Variants in METAP2 observed in about 807,000 individuals in gnomAD.
METAP2 encodes the protein methionine aminopeptidase 2.
Under a neutral mutation model 59.4 loss-of-function variants are expected in METAP2, and 25 were observed. The ratio of observed to expected loss-of-function variants is 0.42; its 90% confidence interval spans 0.31 to 0.59. METAP2 has a LOEUF of 0.59. METAP2 is among the 20% of genes least tolerant of loss of function. The probability of loss-of-function intolerance (pLI) is 0.16; values close to 1 mark genes in which losing one functional copy is unlikely to be tolerated. For synonymous variants in METAP2, 214 were observed against 194.1 expected (o/e 1.10, Z -0.85); for missense variants, 366 against 581.2 (o/e 0.63, Z 3.81).
rs140360586 is a variant in METAP2, at chr12:95,506,357, C to T, written c.964+2196C>T. Among the ~76,000 whole-genome samples the T allele has an allele frequency of 1.4e-3, 188 of 138,624 alleles. 1 individual carries two copies. Among genetic ancestry groups the T allele is most frequent in the African/African-American group, 4.5e-3 (168 of 36,946 alleles). The allele number at this position is 138,624 out of a possible 152,430, so 90.9% of individuals were successfully genotyped here. On this transcript the variant is annotated intron_variant, in intron 8 of 10. Transcript: ENST00000323666. ...TGTCGCCCAGGCTAGAGTGCAGTGGCGCAATCTTGGTTCACGGCAACCTCC... is the reference window on the plus strand; with the variant it reads ...TGTCGCCCAGGCTAGAGTGCAGTGGTGCAATCTTGGTTCACGGCAACCTCC...
At chr12:95,489,694 C>G (rs188919316) in intron 4 of METAP2, among the ~76,000 whole-genome samples, 18 of 152,124 alleles carry the variant, frequency 1.2e-4, no homozygotes, top group Non-Finnish European at 2.1e-4. Flanking sequence ...CAAAATTAGT[C>G]GGGCATGGTG....
Position 95,512,825 on chromosome 12 carries a change from AC to A in METAP2, c.1095del (p.Phe366LeufsTer19). 1 of 1,610,044 alleles carries A rather than the reference AC, an allele frequency of 6.2e-7. No homozygotes were observed. Among genetic ancestry groups the A allele is most frequent in the Non-Finnish European group, 8.5e-7 (1 of 1,177,014 alleles). Reference sequence around the variant, plus strand: ...GGAAGGAGAAGTATATGCAATTGAAACCTTTGGTAGTACAGGAAAAGGTGTT... The same window carrying A: ...GGAAGGAGAAGTATATGCAATTGAAACTTTGGTAGTACAGGAAAAGGTGTT... The part of the protein sequence containing the change: ...MEEGEVYAIE[T>X]FGSTGKGVVH... On this transcript the variant is annotated frameshift_variant, in exon 10 of 11. Coordinates refer to ENST00000323666, the MANE Select transcript of METAP2 (RefSeq NM_006838.4). LOFTEE classifies it high-confidence loss of function.
intron 7 of METAP2, among the ~76,000 whole-genome samples, chr12:95,501,608 AG>A (rs899093506): frequency 3.9e-5 from 6 of 151,928 alleles, no homozygotes; most frequent in African/African-American, 1.5e-4. Flanking sequence ...CCAGCTACTC[AG>A]GAGGCTGAGG....
rs1183607044 is a variant in METAP2, at chr12:95,514,751, A to G, written c.*847A>G. 2.6e-5 allele frequency: 4 copies of G among 152,172 alleles called. No homozygotes were observed. The highest frequency in any genetic ancestry group is 5.9e-5 in the Non-Finnish European group (4 of 68,034). 9.4% of individuals were successfully genotyped at this position (152,172 alleles called of 1,614,324 possible). On this transcript the variant is annotated 3_prime_UTR_variant, in exon 11 of 11. Coordinates refer to ENST00000323666, the MANE Select transcript of METAP2 (RefSeq NM_006838.4). ...GCTCAGAAAACCAAAAGGGTATTAA[A>G]GCCACAAAAGCAAAGAAGAAAAAAA...
At chr12:95,480,068 C>G (rs1177685658) in intron 2 of METAP2, among the ~76,000 whole-genome samples, 1 of 152,170 alleles carries the variant, frequency 6.6e-6, no homozygotes, top group Non-Finnish European at 1.5e-5. Flanking sequence ...TGCACTATAC[C>G]TAACCCTTAG....
intron 4 of METAP2, among the ~76,000 whole-genome samples, chr12:95,488,582 G>T (rs191808891): frequency 6.8e-6 from 1 of 147,462 alleles, no homozygotes; most frequent in African/African-American, 2.5e-5. Context: ...TCTTGAACAC[G>T]TATTTTGTGT....
rs1172988568 is a variant in METAP2, at chr12:95,474,162, C to T, written c.-18C>T. The T allele has an allele frequency of 6.2e-7, 1 of 1,612,794 alleles. No individual in the cohort carries two copies. The highest frequency in any genetic ancestry group is 8.5e-7 in the Non-Finnish European group (1 of 1,179,432). On this transcript the variant is annotated 5_prime_UTR_variant, in exon 1 of 11. Coordinates refer to ENST00000323666, the MANE Select transcript of METAP2 (RefSeq NM_006838.4). ...CCCTCGCCGCTCTGTCTCATTCCCT[C>T]GCGCTCTCTCGGGCAACATGGCGGG... is the stretch of plus-strand genomic sequence containing the variant.
intron 9 of METAP2, 137 bp from the exon 10 acceptor site, chr12:95,512,664 A>ATC: frequency 1.7e-6 from 1 of 576,610 alleles, no homozygotes. Context: ...GTGAGCCAAG[A>ATC]TCTCACCACT....
intron 8 of METAP2, among the ~76,000 whole-genome samples, chr12:95,511,693 AC>A (rs2076404281): frequency 6.6e-6 from 1 of 152,114 alleles, no homozygotes; most frequent in Non-Finnish European, 1.5e-5. Context: ...CACCTGGCCT[AC>A]TTCTAGTATT....
intron 7 of METAP2, among the ~76,000 whole-genome samples, chr12:95,502,498 T>C (rs1180144708): frequency 6.6e-6 from 1 of 152,192 alleles, no homozygotes; most frequent in Non-Finnish European, 1.5e-5. Context: ...CTTGTTGCTT[T>C]CAGGTTTCCT....
At chr12:95,504,771 A>G (rs1171487718) in intron 8 of METAP2, among the ~76,000 whole-genome samples, 2 of 152,136 alleles carry the variant, frequency 1.3e-5, no homozygotes, top group Non-Finnish European at 2.9e-5. Flanking sequence ...CCCAAAGTGC[A>G]GGGATAACAG....
At chr12:95,488,775 A>G (rs58188208) in intron 4 of METAP2, among the ~76,000 whole-genome samples, 1 of 152,078 alleles carries the variant, frequency 6.6e-6, no homozygotes, top group African/African-American at 2.4e-5. Flanking sequence ...TGGATTATTT[A>G]CTCTGCTCCA....
intron 3 of METAP2, 159 bp from the exon 4 acceptor site, chr12:95,485,720 G>T (rs2076191466): frequency 1.9e-6 from 1 of 528,248 alleles, no homozygotes; most frequent in Admixed American, 3.8e-5. Context: ...CATTGAGGAG[G>T]TGGCCAGCAT....
chr12:95,508,126 T>A (rs1165622965), intron 8 of METAP2, among the ~76,000 whole-genome samples: 1 of 152,224 alleles, frequency 6.6e-6, no homozygotes, highest in Non-Finnish European at 1.5e-5. Flanking sequence ...TTATGTGAAA[T>A]TTTTACAATT....
chr12:95,505,061 A>T (rs2076347484), intron 8 of METAP2, among the ~76,000 whole-genome samples: 1 of 152,132 alleles, frequency 6.6e-6, no homozygotes, highest in Non-Finnish European at 1.5e-5. Flanking sequence ...TCCTGCTGTA[A>T]TAACTTCCTT....
chr12:95,490,750 A>G (rs1242903859), intron 4 of METAP2, among the ~76,000 whole-genome samples: 1 of 152,056 alleles, frequency 6.6e-6, no homozygotes, highest in East Asian at 1.9e-4. Context: ...CTCATTGCAT[A>G]TGGTTAGAGG....
intron 8 of METAP2, among the ~76,000 whole-genome samples, chr12:95,510,225 C>T (rs2076392648): frequency 2.0e-5 from 3 of 152,280 alleles, no homozygotes; most frequent in Admixed American, 1.3e-4. Context: ...AGCTACGTAA[C>T]CTCACTCCTC....
intron 3 of METAP2, chr12:95,485,660 A>C (rs1248258790): frequency 4.7e-6 from 2 of 422,974 alleles, no homozygotes; most frequent in Non-Finnish European, 8.3e-6. Flanking sequence ...TTAAATACAT[A>C]ATGGAGTTCT....
intron 2 of METAP2, among the ~76,000 whole-genome samples, chr12:95,477,223 G>A (rs1479696841): frequency 1.3e-5 from 2 of 151,746 alleles, no homozygotes; most frequent in African/African-American, 2.4e-5. Flanking sequence ...TCAGCCTCCC[G>A]AGTAGCTGGG....
Sources: gnomAD v4.1 joint callset for allele counts (sites outside exome capture counted in the v4.1 genomes callset) on GRCh38, gnomAD v4.1.1 for gene constraint, MANE v1.5 for transcripts, NCBI Gene and HGNC (gene_info 2026-07-23, HGNC 2026-07-21) for gene names.